ADCY7: variants seen among roughly 807,000 people sequenced by gnomAD.
ADCY7 encodes adenylate cyclase type 7.
ADCY7 carries 72 observed loss-of-function variants against 120.6 expected under a neutral mutation model. The observed-to-expected ratio is 0.60, with a 90% CI of 0.49 to 0.73. The LOEUF (loss-of-function observed/expected upper bound fraction) is 0.73. ADCY7 is among the 30% of genes least tolerant of loss of function. ADCY7 has a pLI of 0.00. For synonymous variants in ADCY7, 661 were observed against 628.0 expected (o/e 1.05, Z -0.78); for missense variants, 1,227 against 1,486.0 (o/e 0.83, Z 2.87).
chr16:50,256,076 C>T (rs2032909621), intron 1 of ADCY7, among the ~76,000 whole-genome samples: 1 of 151,958 alleles, frequency 6.6e-6, no homozygotes, highest in Non-Finnish European at 1.5e-5. Context: ...CAAAAATAGA[C>T]AAATAGGATG....
At chr16:50,299,437 C>T (rs2035570089) in intron 8 of ADCY7, among the ~76,000 whole-genome samples, 1 of 152,230 alleles carries the variant, frequency 6.6e-6, no homozygotes, top group Admixed American at 6.5e-5. Flanking sequence ...TGGAGTCAGG[C>T]TTGGTCCTGA....
intron 1 of ADCY7, among the ~76,000 whole-genome samples, chr16:50,282,662 C>G (rs530812772): frequency 3.3e-5 from 5 of 151,832 alleles, no homozygotes; most frequent in Admixed American, 3.3e-4. Context: ...TTCTGGATGC[C>G]AGCCCCATGA....
chr16:50,312,864 G>T (rs1267171154), intron 21 of ADCY7, 26 bp from the exon 22 acceptor site: 2 of 1,613,122 alleles, frequency 1.2e-6, no homozygotes, highest in South Asian at 2.2e-5. Context: ...GTGAAGTGGT[G>T]TAAGGTCCGG....
intron 24 of ADCY7, 60 bp downstream of exon 24, chr16:50,314,466 C>A: frequency 7.9e-7 from 1 of 1,269,976 alleles, no homozygotes; most frequent in Non-Finnish European, 1.1e-6. Context: ...TCCACCCAGT[C>A]TGTGTGGCAC....
chr16:50,293,893 C>T (rs2035167335), intron 6 of ADCY7, among the ~76,000 whole-genome samples: 1 of 152,202 alleles, frequency 6.6e-6, no homozygotes, highest in Non-Finnish European at 1.5e-5. Flanking sequence ...GTTCTGACAC[C>T]TGTCTTTGGC....
intron 10 of ADCY7, among the ~76,000 whole-genome samples, chr16:50,302,990 G>A (rs570602355): frequency 1.3e-5 from 2 of 152,380 alleles, no homozygotes; most frequent in South Asian, 2.1e-4. Context: ...AGCTGCCCCC[G>A]TGGGGCTCAT....
intron 12 of ADCY7, 98 bp downstream of exon 12, chr16:50,305,057 C>T: frequency 1.4e-6 from 2 of 1,481,272 alleles, no homozygotes; most frequent in Non-Finnish European, 1.9e-6. Flanking sequence ...TCCGCAAGGC[C>T]CAGCCCAGGA....
intron 4 of ADCY7, 38 bp downstream of exon 4, chr16:50,291,935 G>T: frequency 6.4e-7 from 1 of 1,568,900 alleles, no homozygotes; most frequent in Middle Eastern, 2.0e-4. Context: ...GAGGTTTTGT[G>T]GTCTGGGTCT....
intron 1 of ADCY7, among the ~76,000 whole-genome samples, chr16:50,270,815 C>A (rs982984451): frequency 1.3e-5 from 2 of 152,188 alleles, no homozygotes; most frequent in Non-Finnish European, 2.9e-5. Context: ...GGGTGAAAAC[C>A]CTTCCCAGGC....
chr16:50,294,502 A>C (rs867597341), intron 6 of ADCY7, 138 bp from the exon 7 acceptor site: 2 of 603,110 alleles, frequency 3.3e-6, no homozygotes, highest in Non-Finnish European at 5.9e-6. Flanking sequence ...TCCCATCCCT[A>C]TGGAGGCTGA....
chr16:50,288,730 G>A (rs2150948815), intron 2 of ADCY7, among the ~76,000 whole-genome samples: 1 of 152,128 alleles, frequency 6.6e-6, no homozygotes, highest in South Asian at 2.1e-4. Flanking sequence ...CACCTGCTTC[G>A]GCCCCCCAAA....
intron 6 of ADCY7, among the ~76,000 whole-genome samples, chr16:50,294,086 G>T (rs1015315840): frequency 2.5e-4 from 38 of 152,306 alleles, no homozygotes; most frequent in African/African-American, 7.9e-4. Context: ...GGCTGTGGAT[G>T]GTCCATGAGC....
At chr16:50,277,235 T>C (rs1038666600) in intron 1 of ADCY7, among the ~76,000 whole-genome samples, 2 of 152,220 alleles carry the variant, frequency 1.3e-5, no homozygotes, top group African/African-American at 2.4e-5. Flanking sequence ...TTTCAATCTT[T>C]TGTTATTACA....
intron 20 of ADCY7, 29 bp downstream of exon 20, chr16:50,311,815 C>CA (rs201330965): frequency 1.7e-6 from 2 of 1,182,688 alleles, no homozygotes; most frequent in Non-Finnish European, 2.3e-6. Flanking sequence ...CCCCCCCCCC[C>CA]AAGCTCTGCC....
chr16:50,248,093 T>C (rs2032645292), intron 1 of ADCY7, among the ~76,000 whole-genome samples: 2 of 152,212 alleles, frequency 1.3e-5, no homozygotes, highest in African/African-American at 4.8e-5. Flanking sequence ...GGAGCCGGGC[T>C]GTTCTCATGT....
rs1419268192 is a variant in ADCY7, at chr16:50,290,438, G to A, written c.172-19G>A. On this transcript the variant is annotated intron_variant, in intron 2 of 25. Coordinates refer to ENST00000673801, the MANE Select transcript of ADCY7 (RefSeq NM_001114.5). ...CACTGGGGAAAGCCGAGGCATTCCT[G>A]TCTGTTTGCTCCACCCAGGACCCCT... 4.3e-6 allele frequency: 7 copies of A among 1,613,792 alleles called. No individual in the cohort carries two copies. The highest frequency in any genetic ancestry group is 4.2e-6 in the Non-Finnish European group (5 of 1,179,924).
At chr16:50,312,539 C>T (rs549267972) in intron 21 of ADCY7, among the ~76,000 whole-genome samples, 7 of 152,298 alleles carry the variant, frequency 4.6e-5, no homozygotes, top group African/African-American at 1.7e-4. Context: ...AATGTCTGTA[C>T]TTCTACTAGT....
intron 1 of ADCY7, among the ~76,000 whole-genome samples, chr16:50,271,925 C>T (rs1032348286): frequency 1.3e-5 from 2 of 152,182 alleles, no homozygotes; most frequent in Non-Finnish European, 2.9e-5. Context: ...CAAGGGACGC[C>T]GGGATACCCT....
Position 50,308,757 on chromosome 16 carries a change from A to G in ADCY7, c.2026A>G (p.Ile676Val). 6.2e-7 allele frequency: 1 copy of G among 1,612,616 alleles called. No individual in the cohort carries two copies. Among genetic ancestry groups the G allele is most frequent in the African/African-American group, 1.3e-5 (1 of 75,060 alleles). ...GAGGCTGACCCTGGCCGTCCTGACC[A>G]TCGGCAGCCTGCTCACTGTGGCCAT... ...LLRLTLAVLT[I>V]GSLLTVAIIN... Residue 676 changes from isoleucine to valine, a missense_variant, in exon 17 of 26, where the codon ATC becomes GTC. Physicochemically the swap from Ile to Val is conservative, Grantham distance 29. Coordinates refer to ENST00000673801, the MANE Select transcript of ADCY7 (RefSeq NM_001114.5).
Sources: allele counts gnomAD v4.1 joint callset (sites outside exome capture counted in the v4.1 genomes callset), GRCh38; gene constraint gnomAD v4.1.1; transcripts MANE v1.5; gene names NCBI Gene and HGNC (gene_info 2026-07-23, HGNC 2026-07-21).